PPP4R3B: variants seen among roughly 807,000 people sequenced by gnomAD.
PPP4R3B encodes the protein serine/threonine-protein phosphatase 4 regulatory subunit 3B.
In PPP4R3B, 52 loss-of-function variants were observed where a neutral mutation model predicts 95.4. The observed-to-expected ratio is 0.54, with a 90% CI of 0.44 to 0.69. The LOEUF (loss-of-function observed/expected upper bound fraction) is 0.69. Among genes scored for constraint, PPP4R3B ranks in the 30% least tolerant of loss-of-function variants. The pLI is 0.00. For synonymous variants in PPP4R3B, 407 were observed against 343.9 expected (o/e 1.18, Z -2.03); for missense variants, 1,003 against 1,005.9 (o/e 1.00, Z 0.04).
Position 55,602,855 on chromosome 2 carries a change from T to C in PPP4R3B, c.297+1123A>G, listed in dbSNP as rs140273561. 4.7e-4 allele frequency among the ~76,000 whole-genome samples: 72 copies of C among 152,304 alleles called. 2 individuals are homozygous for C. The East Asian group carries it at 0.013, about 29-fold the overall frequency. ...CAGCTTTGCTGAATTCTGTGAGTCT[T>C]TCCAGTGAATTATGGAAATTGAGAG... On this transcript the variant is annotated intron_variant, in intron 3 of 16. Transcript: ENST00000616407.
At chr2:55,577,537 G>A (rs930333277) in intron 10 of PPP4R3B, among the ~76,000 whole-genome samples, 181 bp from the exon 11 acceptor site, 1 of 151,984 alleles carries the variant, frequency 6.6e-6, no homozygotes, top group African/African-American at 2.4e-5. Flanking sequence ...TTACAAAAGT[G>A]GATGCAGATG....
chr2:55,558,038 T>C (rs1022337171), intron 16 of PPP4R3B, among the ~76,000 whole-genome samples: 12 of 152,048 alleles, frequency 7.9e-5, no homozygotes, highest in Non-Finnish European at 1.5e-5. Context: ...GTATACACGA[T>C]TGGAAATGAG....
At chr2:55,563,197 C>A (rs1009538293) in intron 15 of PPP4R3B, among the ~76,000 whole-genome samples, 1 of 152,104 alleles carries the variant, frequency 6.6e-6, no homozygotes, top group African/African-American at 2.4e-5. Context: ...TGCTCCGCCA[C>A]GCTGAGGCAA....
intron 12 of PPP4R3B, among the ~76,000 whole-genome samples, chr2:55,571,342 T>G (rs1211969117): frequency 6.6e-6 from 1 of 152,048 alleles, no homozygotes; most frequent in African/African-American, 2.4e-5. Context: ...TCAATTGACA[T>G]GTTCCTATTA....
chr2:55,599,156 G>A, intron 3 of PPP4R3B, 117 bp from the exon 4 acceptor site: 2 of 959,766 alleles, frequency 2.1e-6, no homozygotes, highest in East Asian at 2.6e-5. Context: ...GTGAAGTCTA[G>A]GCCAGGCACG....
chr2:55,556,956 G>C (rs531001818), intron 16 of PPP4R3B, among the ~76,000 whole-genome samples: 1 of 152,222 alleles, frequency 6.6e-6, no homozygotes, highest in African/African-American at 2.4e-5. Context: ...CCAGCTACTC[G>C]GGAGGCTGAG....
At chr2:55,551,797 G>A (rs1685280071) in intron 16 of PPP4R3B, among the ~76,000 whole-genome samples, 1 of 151,964 alleles carries the variant, frequency 6.6e-6, no homozygotes, top group Non-Finnish European at 1.5e-5. Context: ...AACATCTAAA[G>A]CACTTCAGCA....
chr2:55,591,253 C>G (rs1047624351), intron 4 of PPP4R3B, among the ~76,000 whole-genome samples: 2 of 151,778 alleles, frequency 1.3e-5, no homozygotes, highest in African/African-American at 2.4e-5. Context: ...CTTCCTCCCT[C>G]AGACTCCCAT....
chr2:55,589,227 C>G (rs575369649), intron 4 of PPP4R3B, among the ~76,000 whole-genome samples: 9 of 152,148 alleles, frequency 5.9e-5, no homozygotes, highest in African/African-American at 1.2e-4. Flanking sequence ...AGAGGTGTTA[C>G]GTGAAAACTC....
intron 5 of PPP4R3B, 70 bp from the exon 6 acceptor site, chr2:55,586,804 C>T: frequency 1.1e-6 from 1 of 888,890 alleles, no homozygotes; most frequent in Non-Finnish European, 1.8e-6. Flanking sequence ...TAATCATCTA[C>T]CATGGTGTGG....
chr2:55,616,389 T>C (rs910072639), intron 1 of PPP4R3B: 1 of 152,238 alleles, frequency 6.6e-6, no homozygotes, highest in Non-Finnish European at 1.5e-5. Flanking sequence ...TTTTTCTAAC[T>C]GCCTATATCA....
At chr2:55,585,238 CCAAATCCATA>C in intron 6 of PPP4R3B, 71 bp from the exon 7 acceptor site, 2 of 1,155,998 alleles carry the variant, frequency 1.7e-6, no homozygotes, top group South Asian at 3.1e-5. Context: ...TTTTTCTTTT[CCAAATCCATA>C]CACTAGCTCT....
At chr2:55,614,066 G>A (rs1009298048) in intron 2 of PPP4R3B, 2 of 151,990 alleles carry the variant, frequency 1.3e-5, no homozygotes, top group African/African-American at 2.4e-5. Context: ...TCTAAACAGA[G>A]AAAAAAGCTA....
intron 2 of PPP4R3B, among the ~76,000 whole-genome samples, chr2:55,611,321 C>G (rs1368247100): frequency 6.6e-6 from 1 of 152,238 alleles, no homozygotes; most frequent in Non-Finnish European, 1.5e-5. Context: ...GCCACCACAC[C>G]TGGCTTTGAC....
At position 55,565,042 on chromosome 2, in the gene PPP4R3B, CTG is replaced by C. The variant is rs768837430; in HGVS notation, c.1936-3_1936-2del. ...GGGCAGTAAGAGACTTGATATCTTC[CTG>C]TATAAGCACAAAATTTACATTTAAA... On this transcript the variant is annotated splice_acceptor_variant and splice_polypyrimidine_tract_variant and intron_variant, in intron 13 of 16. Coordinates refer to ENST00000616407, the MANE Select transcript of PPP4R3B (RefSeq NM_001122964.3). LOFTEE classifies it high-confidence loss of function. The C allele has an allele frequency of 1.3e-6, 2 of 1,558,144 alleles. No homozygotes were observed. Among genetic ancestry groups the C allele is most frequent in the Non-Finnish European group, 1.7e-6 (2 of 1,157,118 alleles).
chr2:55,613,405 T>C (rs1038358247), intron 2 of PPP4R3B, among the ~76,000 whole-genome samples: 1 of 151,782 alleles, frequency 6.6e-6, no homozygotes, highest in African/African-American at 2.4e-5. Flanking sequence ...CCCCAAATAG[T>C]ATATTATTTA....
Position 55,585,053 on chromosome 2 carries a change from C to G in PPP4R3B, c.1231G>C (p.Asp411His), listed in dbSNP as rs961168851. The change falls in exon 7 of 17, where the codon GAC becomes CAC. Residue 411 changes from aspartate to histidine, a missense_variant and splice_region_variant. Around this residue, in one of 3 missense-constraint regions of PPP4R3B, gnomAD observed 695 missense variants for 686.2 expected, o/e 1.01. Coordinates refer to ENST00000616407, the MANE Select transcript of PPP4R3B (RefSeq NM_001122964.3). Reference sequence around the variant, plus strand: ...AGAACCACAGCATTATTACTTACGTCATCACTCTGCTGAGCTTCTTGCATT... The same window carrying G: ...AGAACCACAGCATTATTACTTACGTGATCACTCTGCTGAGCTTCTTGCATT... ...FVMQEAQQSD[D>H]DILLINVVIE... 9 of 1,606,312 alleles carry G rather than the reference C, an allele frequency of 5.6e-6. No individual in the cohort carries two copies. Among genetic ancestry groups the G allele is most frequent in the African/African-American group, 1.3e-5 (1 of 74,732 alleles).
chr2:55,617,494 C>T lies in PPP4R3B; in HGVS notation c.-209G>A, dbSNP rs1695134890. 1.0e-5 allele frequency: 5 copies of T among 486,302 alleles called. No homozygotes were observed. In the South Asian group the frequency reaches 1.6e-4, roughly 16 times the overall value. 30.1% of individuals were successfully genotyped at this position (486,302 alleles called of 1,614,324 possible). A position where few individuals can be genotyped will look rare whatever the true frequency, so the allele number is the denominator to read the frequency against. On this transcript the variant is annotated 5_prime_UTR_variant, in exon 1 of 17. Coordinates refer to ENST00000616407, the MANE Select transcript of PPP4R3B (RefSeq NM_001122964.3). ...TCTCCGCCCGGAGGCCCCGTTACCT[C>T]TCACTTCACCCGCGCATACACCCAC...
intron 16 of PPP4R3B, 43 bp from the exon 17 acceptor site, chr2:55,550,049 A>C: frequency 7.7e-7 from 1 of 1,297,378 alleles, no homozygotes; most frequent in Non-Finnish European, 1.1e-6. Context: ...CATATATAAC[A>C]AAAAAGAGCT....
Sources: gnomAD v4.1 joint callset for allele counts (sites outside exome capture counted in the v4.1 genomes callset) on GRCh38, gnomAD v4.1.1 for gene constraint, gnomAD v4.1.1 regional missense constraint, MANE v1.5 for transcripts, NCBI Gene and HGNC (gene_info 2026-07-23, HGNC 2026-07-21) for gene names.